RBFOX1: variants seen among roughly 807,000 people sequenced by gnomAD.
RBFOX1 encodes the protein RNA binding protein fox-1 homolog 1.
In RBFOX1, 8 loss-of-function variants were observed where a neutral mutation model predicts 57.7. The observed-to-expected ratio is 0.14, with a 90% CI of 0.08 to 0.25. RBFOX1 has a LOEUF of 0.25. RBFOX1 is among the 10% of genes least tolerant of loss of function. The probability of loss-of-function intolerance (pLI) is 1.00; values close to 1 mark genes in which losing one functional copy is unlikely to be tolerated. For synonymous variants in RBFOX1, 326 were observed against 222.4 expected (o/e 1.47, Z -4.15); for missense variants, 611 against 548.5 (o/e 1.11, Z -1.14).
intron 1 of RBFOX1, among the ~76,000 whole-genome samples, chr16:6,240,144 G>A (rs1009773159): frequency 5.9e-5 from 9 of 152,174 alleles, no homozygotes; most frequent in African/African-American, 2.2e-4. Context: ...TCCGCCATGA[G>A]TGAAAGTTCC....
At chr16:7,417,908 T>C (rs1208371102) in intron 4 of RBFOX1, among the ~76,000 whole-genome samples, 5 of 152,172 alleles carry the variant, frequency 3.3e-5, no homozygotes, top group Non-Finnish European at 7.3e-5. Flanking sequence ...GCAGATGTAT[T>C]GGGTTGAGAC....
chr16:5,284,539 C>T (rs4786660), intron 1 of RBFOX1, among the ~76,000 whole-genome samples: 107,934 of 134,354 alleles, frequency 0.8, 43,143 homozygotes, highest in East Asian at 0.98. Flanking sequence ...AATATTTTTT[C>T]TTTTTTTTTT....
At chr16:7,004,676 A>G (rs1470774930) in intron 3 of RBFOX1, among the ~76,000 whole-genome samples, 4 of 152,236 alleles carry the variant, frequency 2.6e-5, no homozygotes, top group Non-Finnish European at 4.4e-5. Flanking sequence ...CTATATAGGG[A>G]AAATATACAA....
At chr16:5,760,552 T>A (rs1342198432) in intron 3 of RBFOX1, among the ~76,000 whole-genome samples, 8 of 152,134 alleles carry the variant, frequency 5.3e-5, no homozygotes, top group Non-Finnish European at 1.0e-4. Flanking sequence ...GGTGTATCCA[T>A]ACCACAGAAC....
intron 3 of RBFOX1, among the ~76,000 whole-genome samples, chr16:6,852,343 A>G (rs908320701): frequency 6.6e-6 from 1 of 151,830 alleles, no homozygotes. Flanking sequence ...GGCCCTCTGG[A>G]TAATCCAGGT....
intron 4 of RBFOX1, among the ~76,000 whole-genome samples, chr16:5,983,756 C>T (rs1275259858): frequency 1.3e-5 from 2 of 152,134 alleles, no homozygotes; most frequent in South Asian, 2.1e-4. Flanking sequence ...CTCCTGGAGT[C>T]ATGAGTATTC....
chr16:7,369,823 C>T (rs931888345), intron 4 of RBFOX1, among the ~76,000 whole-genome samples: 1 of 152,126 alleles, frequency 6.6e-6, no homozygotes, highest in African/African-American at 2.4e-5. Context: ...CCCATTAATT[C>T]TGGGACAAGT....
intron 3 of RBFOX1, among the ~76,000 whole-genome samples, chr16:6,950,634 G>T (rs2080527811): frequency 6.6e-6 from 1 of 152,134 alleles, no homozygotes; most frequent in Admixed American, 6.5e-5. Flanking sequence ...TTATGTAGAA[G>T]CTCTAAATCT....
chr16:6,755,153 C>T (rs11646358), intron 3 of RBFOX1, among the ~76,000 whole-genome samples: 36,272 of 151,930 alleles, frequency 0.24, 4,775 homozygotes, highest in Non-Finnish European at 0.29. Flanking sequence ...GGGATAGTGC[C>T]GCAATAAACA....
rs138080980 is a variant in RBFOX1, at chr16:5,670,752, T to C, written c.318+71791T>C. Among the ~76,000 whole-genome samples, 529 of 152,362 alleles carry C rather than the reference T, an allele frequency of 3.5e-3. 3 individuals are homozygous for C. The highest frequency in any genetic ancestry group is 0.011 in the African/African-American group (459 of 41,580). On this transcript the variant is annotated intron_variant, in intron 3 of 19. Transcript: ENST00000641259. ...GTCTCTCATATGTGCCTGCAGGTTT[T>C]CTTAGACCTGTCAACAAACTTGGAA...
intron 2 of RBFOX1, among the ~76,000 whole-genome samples, chr16:6,610,056 CAAT>C (rs58465165): frequency 0.015 from 2,210 of 142,796 alleles, 51 homozygotes; most frequent in African/African-American, 0.054. Context: ...AACCCACTAA[CAAT>C]GATGATGTGG....
At chr16:6,448,111 A>G (rs969897595) in intron 2 of RBFOX1, among the ~76,000 whole-genome samples, 3 of 148,446 alleles carry the variant, frequency 2.0e-5, no homozygotes, top group Non-Finnish European at 4.5e-5. Context: ...TTTTTATAAC[A>G]TATAACTGAT....
At chr16:6,542,645 A>G (rs1428044522) in intron 2 of RBFOX1, among the ~76,000 whole-genome samples, 4 of 151,710 alleles carry the variant, frequency 2.6e-5, no homozygotes, top group Non-Finnish European at 5.9e-5. Flanking sequence ...GCCCGCCACC[A>G]TGCCTGGCGG....
At chr16:7,002,363 T>G (rs375794664) in intron 3 of RBFOX1, among the ~76,000 whole-genome samples, 2 of 152,352 alleles carry the variant, frequency 1.3e-5, no homozygotes, top group Admixed American at 1.3e-4. Flanking sequence ...CACATGAAAT[T>G]GCCCTGATAT....
chr16:7,091,092 A>G (rs1212128558), intron 4 of RBFOX1, among the ~76,000 whole-genome samples: 1 of 151,970 alleles, frequency 6.6e-6, no homozygotes, highest in African/African-American at 2.4e-5. Context: ...ACTCTACTAC[A>G]ATAGGTATTT....
In RBFOX1 at chr16:6,943,240, C is replaced by T. The variant is rs574733993; in HGVS notation, c.-15-108817C>T. Among the ~76,000 whole-genome samples, 13 of 152,294 alleles carry T rather than the reference C, an allele frequency of 8.5e-5. No individual in the cohort carries two copies. In the South Asian group the frequency reaches 2.7e-3, roughly 32 times the overall value. ...AGGTTATAGAGCCCTCAAGAGAAAG[C>T]CAGCAGTCAATGACTGATCAAGGTG... On this transcript the variant is annotated intron_variant, in intron 3 of 15. Transcript: ENST00000550418.
intron 2 of RBFOX1, among the ~76,000 whole-genome samples, chr16:6,560,045 C>G (rs1302116087): frequency 1.3e-5 from 2 of 152,096 alleles, no homozygotes; most frequent in Non-Finnish European, 2.9e-5. Flanking sequence ...ATGCTAAAAT[C>G]ATCCACACTT....
chr16:5,456,942 C>T (rs1335582329), intron 1 of RBFOX1, among the ~76,000 whole-genome samples: 15 of 152,134 alleles, frequency 9.9e-5, no homozygotes, highest in Admixed American at 7.2e-4. Context: ...TATCTTAGTC[C>T]GTTTGGGCTG....
rs17140692 is a variant in RBFOX1 at position 6,598,498 on chromosome 16, G to A, written c.-63-56105G>A. ...TCAGTCTGTAGAAAATAAAGAGGACGTCAGACCGATATATACAAAGATGAT... is the reference window on the plus strand; with the variant it reads ...TCAGTCTGTAGAAAATAAAGAGGACATCAGACCGATATATACAAAGATGAT... On this transcript the variant is annotated intron_variant, in intron 2 of 15. Transcript: ENST00000550418. Among the ~76,000 whole-genome samples the A allele has an allele frequency of 7.7e-4, 118 of 152,260 alleles. 2 individuals are homozygous for A. The East Asian group carries it at 0.02, about 26-fold the overall frequency.
Sources: gnomAD v4.1 joint callset for allele counts (sites outside exome capture counted in the v4.1 genomes callset) on GRCh38, gnomAD v4.1.1 for gene constraint, MANE v1.5 for transcripts, NCBI Gene and HGNC (gene_info 2026-07-23, HGNC 2026-07-21) for gene names.